CSMD1: variants seen among roughly 807,000 people sequenced by gnomAD.
CSMD1 encodes the protein CUB and sushi domain-containing protein 1.
Under a neutral mutation model 417.5 loss-of-function variants are expected in CSMD1, and 213 were observed. The ratio of observed to expected loss-of-function variants is 0.51; its 90% confidence interval spans 0.46 to 0.57. CSMD1 has a LOEUF of 0.57. Among genes scored for constraint, CSMD1 ranks in the 20% least tolerant of loss-of-function variants. The pLI is 0.00. For synonymous variants in CSMD1, 2,862 were observed against 1,736.8 expected (o/e 1.65, Z -16.11); for missense variants, 6,923 against 4,529.7 (o/e 1.53, Z -15.17).
At chr8:4,882,724 TTATAA>T (rs375666227) in intron 1 of CSMD1, among the ~76,000 whole-genome samples, 1 of 151,964 alleles carries the variant, frequency 6.6e-6, no homozygotes, top group African/African-American at 2.4e-5. Flanking sequence ...TAAAACACCT[TTATAA>T]TATGTTATAA....
chr8:2,967,544 CT>C (rs1393917865), intron 57 of CSMD1, among the ~76,000 whole-genome samples: 1 of 151,488 alleles, frequency 6.6e-6, no homozygotes, highest in African/African-American at 2.4e-5. Flanking sequence ...TTTTTTTTCC[CT>C]TTTTTAGTCG....
At chr8:3,376,161 A>C (rs776597949) in intron 18 of CSMD1, among the ~76,000 whole-genome samples, 15 of 152,116 alleles carry the variant, frequency 9.9e-5, no homozygotes, top group Non-Finnish European at 1.8e-4. Flanking sequence ...GGAGAGAGTA[A>C]ACAGTTTTCA....
chr8:4,808,267 G>A (rs192811470), intron 1 of CSMD1, among the ~76,000 whole-genome samples: 15 of 152,142 alleles, frequency 9.9e-5, no homozygotes, highest in African/African-American at 3.6e-4. Context: ...ATTTACTACA[G>A]ATGCTGGTTG....
chr8:3,956,373 G>A (rs1319806879), intron 5 of CSMD1, among the ~76,000 whole-genome samples: 1 of 152,180 alleles, frequency 6.6e-6, no homozygotes, highest in Non-Finnish European at 1.5e-5. Context: ...ACAATTAGAA[G>A]TGAGAGAGCT....
intron 2 of CSMD1, among the ~76,000 whole-genome samples, chr8:4,485,914 G>C (rs1052030455): frequency 6.6e-6 from 1 of 151,852 alleles, no homozygotes; most frequent in African/African-American, 2.4e-5. Flanking sequence ...CTGGCAGCCA[G>C]GAAGTTCATT....
chr8:3,537,504 G>A (rs569108192), intron 10 of CSMD1, among the ~76,000 whole-genome samples: 7 of 152,170 alleles, frequency 4.6e-5, no homozygotes, highest in African/African-American at 1.7e-4. Flanking sequence ...TAAGACATTG[G>A]TTCATAAATG....
intron 3 of CSMD1, among the ~76,000 whole-genome samples, chr8:4,229,534 T>C (rs933834865): frequency 6.6e-6 from 1 of 152,192 alleles, no homozygotes; most frequent in Non-Finnish European, 1.5e-5. Context: ...TTTCCTCTTA[T>C]TTCTCACACT....
intron 2 of CSMD1, among the ~76,000 whole-genome samples, chr8:4,507,508 G>T (rs1802589778): frequency 6.6e-6 from 1 of 152,124 alleles, no homozygotes; most frequent in African/African-American, 2.4e-5. Flanking sequence ...CCCTCTAGAG[G>T]CTTATGATTT....
chr8:4,474,471 G>T (rs1800694521), intron 2 of CSMD1, among the ~76,000 whole-genome samples: 1 of 152,152 alleles, frequency 6.6e-6, no homozygotes, highest in Non-Finnish European at 1.5e-5. Context: ...ACTGAAAATG[G>T]AAAATCAAAG....
chr8:4,780,441 C>T (rs1021905872), intron 1 of CSMD1, among the ~76,000 whole-genome samples: 1 of 151,722 alleles, frequency 6.6e-6, no homozygotes, highest in Admixed American at 6.5e-5. Context: ...GTCTGTCTAC[C>T]TACCTACCTA....
At chr8:4,159,054 T>C (rs1209691654) in intron 3 of CSMD1, among the ~76,000 whole-genome samples, 1 of 152,134 alleles carries the variant, frequency 6.6e-6, no homozygotes, top group Non-Finnish European at 1.5e-5. Context: ...TAACTGGGAT[T>C]ACAGGCTTGC....
At chr8:4,423,819 A>G (rs1046184505) in intron 2 of CSMD1, among the ~76,000 whole-genome samples, 3 of 152,114 alleles carry the variant, frequency 2.0e-5, no homozygotes, top group Non-Finnish European at 4.4e-5. Context: ...GACTTATTTT[A>G]TATCTACAAC....
At chr8:4,787,705 G>T in intron 1 of CSMD1, 4 of 1,592,642 alleles carry the variant, frequency 2.5e-6, no homozygotes, top group African/African-American at 1.3e-5. Context: ...GTTTTTCAAG[G>T]ATGCTGCCAA....
At chr8:3,920,334 C>G (rs958309998) in intron 5 of CSMD1, among the ~76,000 whole-genome samples, 5 of 151,232 alleles carry the variant, frequency 3.3e-5, no homozygotes, top group Non-Finnish European at 7.4e-5. Flanking sequence ...CGTACGTGCC[C>G]TATTTTTCTA....
rs566415736 is a variant in CSMD1 at position 3,001,106 on chromosome 8, A to G, written c.8030-975T>C. ...GTCATCTTTTGGCCTCAGCCTCCTGAGGAGATGGGACTACGCCACCATGGT... is the reference window on the plus strand; with the variant it reads ...GTCATCTTTTGGCCTCAGCCTCCTGGGGAGATGGGACTACGCCACCATGGT... On this transcript the variant is annotated intron_variant, in intron 52 of 69. Transcript: ENST00000635120. Among the ~76,000 whole-genome samples, 7 of 151,860 alleles carry G rather than the reference A, an allele frequency of 4.6e-5. No homozygotes were observed. The East Asian group carries it at 7.8e-4, about 17-fold the overall frequency.
intron 1 of CSMD1, among the ~76,000 whole-genome samples, chr8:4,734,537 G>T (rs140435924): frequency 6.6e-6 from 1 of 152,066 alleles, no homozygotes; most frequent in Admixed American, 6.6e-5. Flanking sequence ...ATTTAGAAAC[G>T]TATTTGGTAG....
intron 55 of CSMD1, among the ~76,000 whole-genome samples, chr8:2,978,323 G>T (rs940790036): frequency 3.9e-5 from 6 of 152,268 alleles, no homozygotes; most frequent in African/African-American, 7.2e-5. Context: ...GAGGCTGAAG[G>T]CAAGCCATGA....
At position 4,870,863 on chromosome 8, in the gene CSMD1, C is replaced by T. The variant is rs150052146; in HGVS notation, c.85+123469G>A. On this transcript the variant is annotated intron_variant, in intron 1 of 69. Coordinates refer to ENST00000635120, the MANE Select transcript of CSMD1 (RefSeq NM_033225.6). The stretch of plus-strand genomic sequence containing the variant: ...TGCTTCAGATGAATCCAAGTTTGTC[C>T]CACAGTTCCTGATTGTGTCACCTGG... 7.1e-3 allele frequency among the ~76,000 whole-genome samples: 1,087 copies of T among 152,184 alleles called. 17 individuals are homozygous for T. Among genetic ancestry groups the T allele is most frequent in the African/African-American group, 0.024 (990 of 41,448 alleles).
At position 4,267,270 on chromosome 8, in the gene CSMD1, A is replaced by C. The variant is rs1804278801; in HGVS notation, c.415+152683T>G. Among the ~76,000 whole-genome samples the C allele has an allele frequency of 1.9e-5, 2 of 103,778 alleles. 1 individual carries two copies. Among genetic ancestry groups the C allele is most frequent in the Admixed American group, 1.8e-4 (2 of 10,894 alleles). The allele number at this position is 103,778 out of a possible 152,430, so 68.1% of individuals were successfully genotyped here. ...GAAGTTGCTACTTAGAAAATATATC[A>C]TGTTTTAATATGTATTAGCTATAAC... On this transcript the variant is annotated intron_variant, in intron 3 of 69. Coordinates refer to ENST00000635120, the MANE Select transcript of CSMD1 (RefSeq NM_033225.6).
Sources: gnomAD v4.1 joint callset for allele counts (sites outside exome capture counted in the v4.1 genomes callset) on GRCh38, gnomAD v4.1.1 for gene constraint, MANE v1.5 for transcripts, NCBI Gene and HGNC (gene_info 2026-07-23, HGNC 2026-07-21) for gene names.